Variants in LINGO2 observed in about 807,000 individuals in gnomAD.
LINGO2 encodes leucine-rich repeat and immunoglobulin-like domain-containing nogo receptor-interacting protein 2.
LINGO2 carries 14 observed loss-of-function variants against 30.6 expected under a neutral mutation model. That is an observed-to-expected ratio of 0.46 (90% CI 0.30 to 0.72). LINGO2 has a LOEUF of 0.72. Ranked by LOEUF, LINGO2 falls within the 30% of genes least tolerant of loss-of-function variation. The pLI is 0.07. For synonymous variants in LINGO2, 317 were observed against 288.5 expected (o/e 1.10, Z -1.00); for missense variants, 729 against 751.7 (o/e 0.97, Z 0.35).
At chr9:28,095,885 A>C (rs1383788758) in intron 4 of LINGO2, among the ~76,000 whole-genome samples, 1 of 152,202 alleles carries the variant, frequency 6.6e-6, no homozygotes, top group Non-Finnish European at 1.5e-5. Context: ...CAACCCCATC[A>C]AAAAGTGGGC....
the LINGO2 span, among the ~76,000 whole-genome samples, chr9:29,147,076 G>A: frequency 6.6e-6 from 1 of 152,042 alleles, no homozygotes; most frequent in African/African-American, 2.4e-5. Context: ...AACAGAATTG[G>A]CAATGAGAAT....
chr9:29,011,338 C>T, the LINGO2 span, among the ~76,000 whole-genome samples: 22 of 152,118 alleles, frequency 1.4e-4, no homozygotes, highest in South Asian at 4.4e-3. Flanking sequence ...GACTTCATAC[C>T]TTTTTCTTGC....
chr9:28,666,528 C>G lies in LINGO2; in HGVS notation c.-365+3672G>C, dbSNP rs556878471. ...GGCTCTAAAAGGTACTCCTAGTCAA[C>G]TAAATAATTGTTAGGCTCTAGTTCA... On this transcript the variant is annotated intron_variant, in intron 1 of 5. Coordinates refer to ENST00000379992, the Ensembl canonical transcript of LINGO2. 4.6e-5 allele frequency among the ~76,000 whole-genome samples: 7 copies of G among 152,252 alleles called. No individual in the cohort carries two copies. The South Asian group carries it at 1.4e-3, about 32-fold the overall frequency.
At chr9:28,562,281 T>C (rs941105142) in intron 1 of LINGO2, among the ~76,000 whole-genome samples, 2 of 151,916 alleles carry the variant, frequency 1.3e-5, no homozygotes, top group Non-Finnish European at 2.9e-5. Context: ...TTAGAAAGCA[T>C]TGTTCTTTTT....
At chr9:29,049,961 T>C in the LINGO2 span, among the ~76,000 whole-genome samples, 21 of 152,304 alleles carry the variant, frequency 1.4e-4, no homozygotes, top group South Asian at 3.9e-3. Flanking sequence ...ATTGGATTGT[T>C]TGCAACTCAA....
the LINGO2 span, among the ~76,000 whole-genome samples, chr9:28,744,086 G>A: frequency 6.9e-6 from 1 of 145,330 alleles, no homozygotes; most frequent in Non-Finnish European, 1.5e-5. Flanking sequence ...ATCTACTCTT[G>A]AACTCCTATA....
intron 2 of LINGO2, among the ~76,000 whole-genome samples, chr9:28,408,032 A>G (rs959771094): frequency 1.3e-5 from 2 of 152,102 alleles, no homozygotes; most frequent in Non-Finnish European, 2.9e-5. Context: ...AGAAAAGAGA[A>G]GCAGTCTGAC....
chr9:28,794,789 T>G, the LINGO2 span, among the ~76,000 whole-genome samples: 4 of 152,212 alleles, frequency 2.6e-5, no homozygotes, highest in African/African-American at 9.6e-5. Flanking sequence ...GGTTAAATGT[T>G]TAACAAATTC....
intron 4 of LINGO2, among the ~76,000 whole-genome samples, chr9:28,211,688 C>T (rs1820597490): frequency 6.6e-6 from 1 of 151,350 alleles, no homozygotes. Flanking sequence ...CAAGACAGAC[C>T]ATTCATATTC....
intron 2 of LINGO2, among the ~76,000 whole-genome samples, chr9:28,459,858 C>T (rs1043127409): frequency 6.6e-6 from 1 of 151,948 alleles, no homozygotes; most frequent in African/African-American, 2.4e-5. Flanking sequence ...CATATTGTTA[C>T]TATCAAAAAT....
chr9:28,613,246 A>G (rs527733991), intron 1 of LINGO2, among the ~76,000 whole-genome samples: 11 of 152,110 alleles, frequency 7.2e-5, no homozygotes, highest in Non-Finnish European at 1.6e-4. Context: ...TTTGTGGGGA[A>G]GCATTCTTGT....
chr9:28,858,110 G>T, the LINGO2 span, among the ~76,000 whole-genome samples: 1 of 151,880 alleles, frequency 6.6e-6, no homozygotes, highest in Non-Finnish European at 1.5e-5. Flanking sequence ...AGGCTGTCAG[G>T]ACCTGCCCTC....
intron 4 of LINGO2, among the ~76,000 whole-genome samples, chr9:28,241,582 G>A (rs535079103): frequency 1.3e-5 from 2 of 152,186 alleles, no homozygotes; most frequent in East Asian, 3.9e-4. Flanking sequence ...CAGATTAGTA[G>A]GTTTACCCCC....
At chr9:28,858,109 G>A in the LINGO2 span, among the ~76,000 whole-genome samples, 1 of 151,922 alleles carries the variant, frequency 6.6e-6, no homozygotes, top group Non-Finnish European at 1.5e-5. Context: ...CAGGCTGTCA[G>A]GACCTGCCCT....
chr9:28,499,912 C>CA (rs1235211326), intron 1 of LINGO2, among the ~76,000 whole-genome samples: 1 of 151,996 alleles, frequency 6.6e-6, no homozygotes, highest in Non-Finnish European at 1.5e-5. Context: ...ACACAAGCCA[C>CA]AAAAAAATGT....
the LINGO2 span, among the ~76,000 whole-genome samples, chr9:28,909,899 T>A: frequency 6.6e-6 from 1 of 152,080 alleles, no homozygotes; most frequent in Non-Finnish European, 1.5e-5. Context: ...GACAAATTAT[T>A]CCCTGAAAGC....
intron 1 of LINGO2, among the ~76,000 whole-genome samples, chr9:28,551,001 T>A (rs549553189): frequency 2.6e-5 from 4 of 151,864 alleles, no homozygotes; most frequent in Non-Finnish European, 5.9e-5. Context: ...CAAATGAGAA[T>A]ACAAATTTTG....
intron 3 of LINGO2, among the ~76,000 whole-genome samples, chr9:28,308,461 C>G (rs879867556): frequency 3.4e-4 from 48 of 140,096 alleles, no homozygotes; most frequent in African/African-American, 9.1e-4. Flanking sequence ...AATGTTAGAC[C>G]TAAAACCATA....
chr9:28,803,130 C>T, the LINGO2 span, among the ~76,000 whole-genome samples: 1 of 152,018 alleles, frequency 6.6e-6, no homozygotes, highest in African/African-American at 2.4e-5. Flanking sequence ...TGTTATGGGG[C>T]TATGCAGACT....
Sources: allele counts gnomAD v4.1 joint callset (sites outside exome capture counted in the v4.1 genomes callset), GRCh38; gene constraint gnomAD v4.1.1; transcripts MANE v1.5; gene names NCBI Gene and HGNC (gene_info 2026-07-23, HGNC 2026-07-21).